CNIH3: variants seen among roughly 807,000 people sequenced by gnomAD.
CNIH3 encodes cornichon family AMPA receptor auxiliary protein 3, also known as protein cornichon homolog 3.
CNIH3 carries 14 observed loss-of-function variants against 24.1 expected under a neutral mutation model. That is an observed-to-expected ratio of 0.58 (90% CI 0.38 to 0.91). The LOEUF (loss-of-function observed/expected upper bound fraction) is 0.91. Ranked by LOEUF, CNIH3 falls within the 40% of genes least tolerant of loss-of-function variation. The pLI is 0.00. For synonymous variants in CNIH3, 68 were observed against 73.8 expected (o/e 0.92, Z 0.40); for missense variants, 178 against 196.8 (o/e 0.90, Z 0.57).
intron 1 of CNIH3, among the ~76,000 whole-genome samples, chr1:224,631,019 C>T (rs556807366): frequency 4.6e-5 from 7 of 152,018 alleles, no homozygotes; most frequent in African/African-American, 9.6e-5. Flanking sequence ...ATTAGCCGGG[C>T]GTGGTGGTGC....
At chr1:224,514,794 C>T (rs1031095559), upstream of CNIH3, among the ~76,000 whole-genome samples, 3 of 152,134 alleles carry the variant, frequency 2.0e-5, no homozygotes, top group South Asian at 2.1e-4. Context: ...GTCATGCCAC[C>T]GCATTCCAGC....
intron 2 of CNIH3, among the ~76,000 whole-genome samples, chr1:224,682,427 T>A (rs1026401534): frequency 7.9e-5 from 12 of 152,242 alleles, no homozygotes; most frequent in African/African-American, 2.9e-4. Flanking sequence ...CCTGACTTTA[T>A]AATATCTGAG....
At chr1:224,525,487 C>T (rs1046792542) in intron 2 of CNIH3, among the ~76,000 whole-genome samples, 3 of 152,240 alleles carry the variant, frequency 2.0e-5, no homozygotes, top group Non-Finnish European at 2.9e-5. Context: ...CTTCCACAGT[C>T]AGGGTGTGTC....
intron 1 of CNIH3, among the ~76,000 whole-genome samples, chr1:224,504,099 G>A (rs1677798703): frequency 6.6e-6 from 1 of 152,170 alleles, no homozygotes. Context: ...ACTTAAACAG[G>A]CTGTTTTGAG....
At chr1:224,491,997 CTCTTA>C (rs1014838190) in intron 1 of CNIH3, among the ~76,000 whole-genome samples, 3 of 152,138 alleles carry the variant, frequency 2.0e-5, no homozygotes, top group African/African-American at 7.2e-5. Context: ...TCAAATGATC[CTCTTA>C]TCTTGGCCTC....
upstream of CNIH3, among the ~76,000 whole-genome samples, chr1:224,612,668 C>G (rs1301591883): frequency 6.6e-6 from 1 of 152,176 alleles, no homozygotes; most frequent in African/African-American, 2.4e-5. The surrounding 1 kb of genome is among the most constrained non-coding windows in gnomAD (Gnocchi z 4.7). Context: ...TGAAAATCCT[C>G]CCTGGAGAAA....
chr1:224,667,340 G>A (rs1200367411), intron 1 of CNIH3, among the ~76,000 whole-genome samples: 1 of 152,176 alleles, frequency 6.6e-6, no homozygotes. Flanking sequence ...TTTTCATTCA[G>A]TGAAGGACAC....
chr1:224,713,360 G>C (rs1332678239), intron 3 of CNIH3, among the ~76,000 whole-genome samples: 1 of 152,182 alleles, frequency 6.6e-6, no homozygotes, highest in Non-Finnish European at 1.5e-5. Flanking sequence ...TGACACCTCA[G>C]CTCTCACCTT....
intron 4 of CNIH3, among the ~76,000 whole-genome samples, chr1:224,569,377 A>G (rs936099680): frequency 6.6e-6 from 1 of 152,192 alleles, no homozygotes; most frequent in Non-Finnish European, 1.5e-5. Flanking sequence ...TAAGAATTAT[A>G]TGGCGCTAGA....
At chr1:224,590,236 T>C (rs150484532), downstream of CNIH3, among the ~76,000 whole-genome samples, 5 of 152,308 alleles carry the variant, frequency 3.3e-5, no homozygotes, top group Admixed American at 6.5e-5. Context: ...TAAATGTTTG[T>C]TGAATAAATG....
At chr1:224,618,325 TGCCCTGCCCAGCGTCTAGGTGACAGAGAA>T (rs1284463394) in intron 1 of CNIH3, among the ~76,000 whole-genome samples, 3 of 152,220 alleles carry the variant, frequency 2.0e-5, no homozygotes, top group Non-Finnish European at 4.4e-5. Flanking sequence ...TTAACAGCCT[TGCCCTGCCCAGCGTCTAGGTGACAGAGAA>T]GGACCCTGAG....
At position 224,617,220 on chromosome 1, in the gene CNIH3, C is replaced by T; in HGVS notation, c.46C>T (p.Leu16=). The T allele has an allele frequency of 6.2e-7, 1 of 1,614,174 alleles. No homozygotes were observed. Among genetic ancestry groups the T allele is most frequent in the Non-Finnish European group, 8.5e-7 (1 of 1,180,018 alleles). The part of the protein sequence containing the change: ...AAFCYMLSLV[L]CAALIFFAIW... ...GTTCTGCTACATGCTGTCTCTGGTG[C>T]TGTGCGCTGCGCTCATCTTCTTCGC... Residue 16 remains leucine (L), a synonymous_variant, in exon 1 of 6, where the codon CTG becomes TTG. Coordinates refer to ENST00000272133, the MANE Select transcript of CNIH3 (RefSeq NM_152495.2).
intron 1 of CNIH3, among the ~76,000 whole-genome samples, chr1:224,501,918 G>A (rs1020984998): frequency 1.3e-5 from 2 of 152,144 alleles, no homozygotes; most frequent in Non-Finnish European, 2.9e-5. Context: ...CTGGAAGAGG[G>A]GTCCCTGTTG....
At chr1:224,671,172 T>C (rs1038504217) in intron 1 of CNIH3, among the ~76,000 whole-genome samples, 12 of 152,054 alleles carry the variant, frequency 7.9e-5, no homozygotes, top group African/African-American at 2.9e-4. Flanking sequence ...AAAACAGATA[T>C]TTTTCTGTGC....
intron 3 of CNIH3, among the ~76,000 whole-genome samples, chr1:224,596,692 C>T (rs1681994018): frequency 1.3e-5 from 2 of 152,078 alleles, no homozygotes; most frequent in African/African-American, 2.4e-5. Context: ...CTCCCAGAAC[C>T]CTTGTTATTT....
chr1:224,679,092 TCTC>T (rs1231822374), intron 1 of CNIH3, among the ~76,000 whole-genome samples: 1 of 152,150 alleles, frequency 6.6e-6, no homozygotes, highest in East Asian at 1.9e-4. Context: ...CACAAAATAT[TCTC>T]CTTTTTGGTT....
intron 1 of CNIH3, among the ~76,000 whole-genome samples, chr1:224,642,100 C>T (rs1684389342): frequency 6.6e-6 from 1 of 152,160 alleles, no homozygotes; most frequent in African/African-American, 2.4e-5. Context: ...TACTTATTTG[C>T]TATTTTGTTC....
intron 1 of CNIH3, among the ~76,000 whole-genome samples, chr1:224,474,435 CA>C (rs1004476184): frequency 2.0e-5 from 3 of 149,194 alleles, no homozygotes; most frequent in African/African-American, 7.4e-5. Flanking sequence ...CACAACATAC[CA>C]AAAACTATGA....
At chr1:224,556,160 A>C (rs1432939041) in intron 3 of CNIH3, among the ~76,000 whole-genome samples, 3 of 150,070 alleles carry the variant, frequency 2.0e-5, no homozygotes, top group Non-Finnish European at 4.4e-5. Flanking sequence ...TGCCATGCCT[A>C]TAGCTTGGTT....
Sources: gnomAD v4.1 joint callset for allele counts (sites outside exome capture counted in the v4.1 genomes callset) on GRCh38, gnomAD v4.1.1 for gene constraint, Gnocchi (gnomAD v3.1) non-coding constraint, MANE v1.5 for transcripts, NCBI Gene and HGNC (gene_info 2026-07-23, HGNC 2026-07-21) for gene names.